TESPA1: variants seen among roughly 807,000 people sequenced by gnomAD.
TESPA1 encodes the protein thymocyte expressed, positive selection associated 1.
In TESPA1, 33 loss-of-function variants were observed where a neutral mutation model predicts 57.9. The observed-to-expected ratio is 0.57, with a 90% CI of 0.43 to 0.76. The LOEUF (loss-of-function observed/expected upper bound fraction) is 0.76, where lower values mean the gene tolerates loss of function less well. TESPA1 is among the 30% of genes least tolerant of loss of function. The probability of loss-of-function intolerance (pLI) is 0.00; values close to 1 mark genes in which losing one functional copy is unlikely to be tolerated. For synonymous variants in TESPA1, 227 were observed against 228.9 expected (o/e 0.99, Z 0.07); for missense variants, 618 against 632.9 (o/e 0.98, Z 0.25).
rs1950242320 is a variant in TESPA1, at chr12:54,949,237, A to G, written c.*1155T>C. 1 of 152,224 alleles carries G rather than the reference A, an allele frequency of 6.6e-6. No individual in the cohort carries two copies. Among genetic ancestry groups the G allele is most frequent in the Admixed American group, 6.5e-5 (1 of 15,286 alleles). 9.4% of individuals were successfully genotyped at this position (152,224 alleles called of 1,614,324 possible). On this transcript the variant is annotated 3_prime_UTR_variant, in exon 11 of 11. Coordinates refer to ENST00000449076, the MANE Select transcript of TESPA1 (RefSeq NM_001136030.3). ...TTTTGTCTCTGCCTCACTACGTATC[A>G]GACTCAGTTTGTGCCTTCTCCCCTA...
chr12:54,967,580 T>C (rs750254739), intron 4 of TESPA1, among the ~76,000 whole-genome samples: 5 of 152,150 alleles, frequency 3.3e-5, no homozygotes, highest in Non-Finnish European at 7.4e-5. Context: ...TCTTTTCCTA[T>C]AGCAGTGGTT....
chr12:54,974,884 A>G (rs115956612), intron 1 of TESPA1, among the ~76,000 whole-genome samples: 83 of 152,378 alleles, frequency 5.4e-4, no homozygotes, highest in African/African-American at 1.9e-3. Context: ...CTTCTGACTT[A>G]AAGAATCTCT....
chr12:54,956,203 G>C (rs781013484), intron 10 of TESPA1, among the ~76,000 whole-genome samples: 2 of 152,094 alleles, frequency 1.3e-5, no homozygotes, highest in African/African-American at 2.4e-5. Flanking sequence ...CCACCATTTG[G>C]GGGTATCTCA....
At chr12:54,982,737 A>G (rs1475704535) in intron 1 of TESPA1, among the ~76,000 whole-genome samples, 1 of 152,220 alleles carries the variant, frequency 6.6e-6, no homozygotes, top group African/African-American at 2.4e-5. Context: ...AGATTTCTCA[A>G]CCATTGTGTT....
chr12:54,978,432 G>A (rs1287126977), intron 1 of TESPA1, among the ~76,000 whole-genome samples: 2 of 152,154 alleles, frequency 1.3e-5, no homozygotes, highest in African/African-American at 2.4e-5. Flanking sequence ...TTATTTAGGT[G>A]AGTTTGAAAT....
At chr12:54,955,602 A>G (rs1323600894) in intron 10 of TESPA1, among the ~76,000 whole-genome samples, 1 of 152,226 alleles carries the variant, frequency 6.6e-6, no homozygotes, top group Non-Finnish European at 1.5e-5. Flanking sequence ...TTTATTTGAC[A>G]ACAGCCATGT....
At position 54,962,493 on chromosome 12, in the gene TESPA1, C is replaced by G. The variant is rs1340535794; in HGVS notation, c.1405G>C (p.Asp469His). ...AAAGACCGACGCAGTTCTGGTCTGT[C>G]TACACTCTGCTTCCATTTCTGCTGG... ...ITQQKWKQSV[D>H]RPELRRSLSQ... The change falls in exon 9 of 11, where the codon GAC becomes CAC. Residue 469 changes from aspartate to histidine, a missense_variant. Asp to His is a moderately conservative substitution (Grantham distance 81). Transcript: ENST00000449076. 6.2e-7 allele frequency: 1 copy of G among 1,613,308 alleles called. No homozygotes were observed. The highest frequency in any genetic ancestry group is 1.1e-5 in the South Asian group (1 of 91,052).
intron 10 of TESPA1, among the ~76,000 whole-genome samples, chr12:54,953,120 A>C (rs1446306925): frequency 2.6e-5 from 4 of 152,046 alleles, no homozygotes; most frequent in African/African-American, 9.7e-5. Context: ...CCGGCTTCCT[A>C]CCCAGTCCAT....
chr12:54,975,909 T>C (rs905437387), intron 1 of TESPA1, among the ~76,000 whole-genome samples: 1 of 152,154 alleles, frequency 6.6e-6, no homozygotes, highest in African/African-American at 2.4e-5. Flanking sequence ...GAAAAAATAA[T>C]ACATAATTAC....
chr12:54,981,544 C>A (rs903742292), intron 1 of TESPA1, among the ~76,000 whole-genome samples: 1 of 151,346 alleles, frequency 6.6e-6, no homozygotes, highest in Non-Finnish European at 1.5e-5. Context: ...ACATTGTGCA[C>A]GTGTACCCTA....
At chr12:54,964,709 G>T (rs1480561812) in intron 7 of TESPA1, among the ~76,000 whole-genome samples, 1 of 152,176 alleles carries the variant, frequency 6.6e-6, no homozygotes, top group Non-Finnish European at 1.5e-5. Flanking sequence ...ATCAAATAGG[G>T]ACCATCTTGT....
At chr12:54,983,948 G>A (rs1361821983) in intron 1 of TESPA1, 2 of 152,190 alleles carry the variant, frequency 1.3e-5, no homozygotes, top group African/African-American at 4.8e-5. Flanking sequence ...TGGTCCTGAT[G>A]GTGGCTATCC....
At chr12:54,973,765 C>A (rs1391551122) in intron 2 of TESPA1, 3 of 1,265,734 alleles carry the variant, frequency 2.4e-6, no homozygotes, top group East Asian at 3.2e-5. Context: ...AGATGTCAGG[C>A]CCACTGCTGT....
chr12:54,976,527 G>A (rs566318309), intron 1 of TESPA1, among the ~76,000 whole-genome samples: 2 of 152,126 alleles, frequency 1.3e-5, no homozygotes, highest in Non-Finnish European at 2.9e-5. Context: ...AAGGGCAGGA[G>A]GGTAGGCAGA....
At chr12:54,968,066 T>C (rs914964236) in intron 3 of TESPA1, 174 bp from the exon 4 acceptor site, 11 of 1,493,544 alleles carry the variant, frequency 7.4e-6, no homozygotes, top group African/African-American at 2.8e-5. Flanking sequence ...GAAAAATTCA[T>C]AGAAGTAGTT....
rs1246054413 is a variant in TESPA1, at chr12:54,967,174, G to A, written c.310+9C>T. 3.1e-6 allele frequency: 5 copies of A among 1,612,658 alleles called. No individual in the cohort carries two copies. In the African/African-American group the frequency reaches 4.0e-5, roughly 13 times the overall value. On this transcript the variant is annotated intron_variant, in intron 5 of 10. Transcript: ENST00000449076. ...TCTCATCCCAACCTCAGAGAACTGT[G>A]CCACTTACCCTCCGCTCCCAGGGTC...
At chr12:54,957,827 ATTAT>A (rs1253076487) in intron 10 of TESPA1, among the ~76,000 whole-genome samples, 1 of 152,238 alleles carries the variant, frequency 6.6e-6, no homozygotes, top group East Asian at 1.9e-4. Flanking sequence ...AAGACTCATA[ATTAT>A]TTTACATTCC....
At position 54,974,498 on chromosome 12, in the gene TESPA1, C is replaced by T. The variant is rs375755904; in HGVS notation, c.65G>A (p.Arg22His). Residue 22 changes from arginine to histidine, a missense_variant, in exon 2 of 11, where the codon CGT becomes CAT. This residue lies in a region of TESPA1 where 199 missense variants were observed against 184.0 expected (regional missense o/e 1.08). Coordinates refer to ENST00000449076, the MANE Select transcript of TESPA1 (RefSeq NM_001136030.3). Reference protein sequence around the residue: ...EKRRAWLRQSRNWQTQVLEEE... With the variant: ...EKRRAWLRQSHNWQTQVLEEE... ...TTCTAGGACCTGGGTCTGCCAGTTA[C>T]GGCTCTGACGGAGCCAGGCCCGCCG... is the stretch of plus-strand genomic sequence containing the variant. The T allele has an allele frequency of 2.7e-5, 44 of 1,601,588 alleles. 1 individual carries two copies. The highest frequency in any genetic ancestry group is 2.5e-4 in the African/African-American group (19 of 74,852).
At chr12:54,967,990 T>C (rs1323949032) in intron 3 of TESPA1, 98 bp from the exon 4 acceptor site, 18 of 1,576,684 alleles carry the variant, frequency 1.1e-5, no homozygotes, top group Non-Finnish European at 1.4e-5. Flanking sequence ...TCTTTTCCAG[T>C]GAGAGTCAGT....
Sources: allele counts gnomAD v4.1 joint callset (sites outside exome capture counted in the v4.1 genomes callset), GRCh38; gene constraint gnomAD v4.1.1; regional missense constraint gnomAD v4.1.1; transcripts MANE v1.5; gene names NCBI Gene and HGNC (gene_info 2026-07-23, HGNC 2026-07-21).